The following SREK1 variants were observed in gnomAD, a reference collection of about 807,000 sequenced individuals.
SREK1 encodes the protein splicing regulatory glutamine/lysine-rich protein 1.
In SREK1, 13 loss-of-function variants were observed where a neutral mutation model predicts 66.5. The ratio of observed to expected loss-of-function variants is 0.20; its 90% CI spans 0.13 to 0.31. The LOEUF is 0.31. Ranked by LOEUF, SREK1 falls within the 10% of genes least tolerant of loss-of-function variation. The pLI is 1.00. For missense variants in SREK1, 607 were observed against 769.6 expected, an observed-to-expected ratio of 0.79 and a Z score of 2.50; for synonymous variants, 265 against 263.5, an observed-to-expected ratio of 1.01 and a Z score of -0.05.
intron 1 of SREK1, among the ~76,000 whole-genome samples, chr5:66,146,344 A>C (rs1339498039): frequency 6.6e-6 from 1 of 152,184 alleles, no homozygotes; most frequent in Non-Finnish European, 1.5e-5. Flanking sequence ...CATTATCAAC[A>C]TAATATTTAT....
intron 2 of SREK1, chr5:66,153,811 G>T: frequency 1.9e-6 from 1 of 516,024 alleles, no homozygotes; most frequent in Non-Finnish European, 3.2e-6. Flanking sequence ...AACATTCATT[G>T]GCTTCTGGTT....
At position 66,182,945 on chromosome 5, in the gene SREK1, AC is replaced by A. The variant is rs1389148883; in HGVS notation, c.*4078del. The A allele has an allele frequency of 1.3e-5, 2 of 152,190 alleles. No homozygotes were observed. The highest frequency in any genetic ancestry group is 2.9e-5 in the Non-Finnish European group (2 of 68,028). 9.4% of individuals were successfully genotyped at this position (152,190 alleles called of 1,614,324 possible). On this transcript the variant is annotated 3_prime_UTR_variant, in exon 12 of 12. Coordinates refer to ENST00000334121, the MANE Select transcript of SREK1 (RefSeq NM_001077199.3). ...AGTCAGTTGGATTTAGTAACTAATA[AC>A]TAGCTTTCTTCCATTCTAAGGTACT...
At chr5:66,158,071 GTTC>G (rs1263661642) in intron 2 of SREK1, 16 of 146,898 alleles carry the variant, frequency 1.1e-4, no homozygotes, top group Admixed American at 8.1e-4. Flanking sequence ...CCACATGAGT[GTTC>G]TTCTAAATAT....
intron 8 of SREK1, 47 bp from the exon 9 acceptor site, chr5:66,170,538 A>C (rs780012913): frequency 6.3e-5 from 97 of 1,549,854 alleles, no homozygotes; most frequent in Non-Finnish European, 7.8e-5. Flanking sequence ...TTTTTGGAGG[A>C]GGTAGAACTA....
rs775674264 is a variant in SREK1 at position 66,182,718 on chromosome 5, A to C, written c.*3850A>C. 1.3e-5 allele frequency: 2 copies of C among 152,182 alleles called. No individual in the cohort carries two copies. Among genetic ancestry groups the C allele is most frequent in the Non-Finnish European group, 2.9e-5 (2 of 68,092 alleles). 9.4% of individuals were successfully genotyped at this position (152,182 alleles called of 1,614,324 possible). ...ATAGCTGGGACCACAGACATGTGCC[A>C]CCAAGCCCAGTTAATTTTAGAATTT... On this transcript the variant is annotated 3_prime_UTR_variant, in exon 12 of 12. Coordinates refer to ENST00000334121, the MANE Select transcript of SREK1 (RefSeq NM_001077199.3).
intron 9 of SREK1, among the ~76,000 whole-genome samples, chr5:66,172,410 T>C (rs1384029209): frequency 6.6e-6 from 1 of 152,334 alleles, no homozygotes; most frequent in East Asian, 1.9e-4. Context: ...ATGTATATAT[T>C]TTTTGAAACA....
rs751000257 is a variant in SREK1, at chr5:66,178,751, T to A, written c.1758T>A (p.Ser586Arg). The A allele has an allele frequency of 6.2e-7, 1 of 1,612,106 alleles. No homozygotes were observed. The highest frequency in any genetic ancestry group is 8.5e-7 in the Non-Finnish European group (1 of 1,178,686). Residue 586 changes from serine (S) to arginine (R), a missense_variant, in exon 12 of 12, where the codon AGT becomes AGA. This residue lies in a region of SREK1 where 318 missense variants were observed against 310.3 expected (regional missense o/e 1.02). Transcript: ENST00000334121. ...EKEHNKEPDS[S>R]VSKEVDDKDA... ...AGCACAATAAAGAACCAGATTCAAG[T>A]GTGAGCAAAGAAGTAGATGACAAGG...
rs539974712 is a variant in SREK1 at position 66,173,391 on chromosome 5, A to G, written c.1485-1555A>G. The stretch of plus-strand genomic sequence containing the variant: ...GAGCACCTACTCTGTGTCACACTCT[A>G]TGCTTTGCACATTACAGATTTTATC... On this transcript the variant is annotated intron_variant, in intron 9 of 11. Transcript: ENST00000334121. Among the ~76,000 whole-genome samples, 4 of 152,324 alleles carry G rather than the reference A, an allele frequency of 2.6e-5. No homozygotes were observed. In the South Asian group the frequency reaches 6.2e-4, roughly 24 times the overall value.
chr5:66,147,064 A>T (rs1443527633), intron 1 of SREK1, among the ~76,000 whole-genome samples: 2 of 152,148 alleles, frequency 1.3e-5, no homozygotes, highest in Non-Finnish European at 2.9e-5. Context: ...TTAAAAAAAA[A>T]TGACTTAAAT....
intron 3 of SREK1, among the ~76,000 whole-genome samples, chr5:66,160,524 G>A (rs1287053978): frequency 1.3e-5 from 2 of 152,202 alleles, no homozygotes; most frequent in Admixed American, 1.3e-4. Flanking sequence ...TGAGGGTCAT[G>A]AGTGTTTGAG....
intron 7 of SREK1, 194 bp downstream of exon 7, chr5:66,165,091 T>C (rs1327167556): frequency 4.2e-6 from 2 of 472,152 alleles, no homozygotes; most frequent in African/African-American, 3.9e-5. Flanking sequence ...GATACTTAAT[T>C]TTTAAATATT....
chr5:66,155,936 G>A lies in SREK1; in HGVS notation c.295+2340G>A, dbSNP rs1232991482. 19 of 1,345,318 alleles carry A rather than the reference G, an allele frequency of 1.4e-5. No homozygotes were observed. The East Asian group carries it at 1.9e-4, about 13-fold the overall frequency. 83.3% of individuals were successfully genotyped at this position (1,345,318 alleles called of 1,614,324 possible). On this transcript the variant is annotated intron_variant, in intron 2 of 11. Coordinates refer to ENST00000334121, the MANE Select transcript of SREK1 (RefSeq NM_001077199.3). ...AATGTTAACACGTAGAAAAAGATAC[G>A]GTCAAACATAACAAGGGTGTCAGCC... is the stretch of plus-strand genomic sequence containing the variant.
At chr5:66,153,371 A>T in intron 1 of SREK1, 92 bp from the exon 2 acceptor site, 1 of 1,494,268 alleles carries the variant, frequency 6.7e-7, no homozygotes, top group East Asian at 2.3e-5. Context: ...ATTTCGTAAG[A>T]TTATGTAAAG....
chr5:66,175,339 A>G (rs1426801198), intron 10 of SREK1, among the ~76,000 whole-genome samples: 1 of 152,184 alleles, frequency 6.6e-6, no homozygotes, highest in East Asian at 1.9e-4. Flanking sequence ...GCAACACAGA[A>G]TACACACTGT....
At chr5:66,162,737 GA>G (rs1298206918) in intron 5 of SREK1, 145 bp downstream of exon 5, 15 of 663,524 alleles carry the variant, frequency 2.3e-5, no homozygotes, top group Admixed American at 1.4e-4. Flanking sequence ...TGAAATACAT[GA>G]GATACTTACC....
In SREK1 at chr5:66,183,013, T is replaced by A. The variant is rs961648755; in HGVS notation, c.*4145T>A. On this transcript the variant is annotated 3_prime_UTR_variant, in exon 12 of 12. Coordinates refer to ENST00000334121, the MANE Select transcript of SREK1 (RefSeq NM_001077199.3). The stretch of plus-strand genomic sequence containing the variant: ...ATTAGTTTGTTACAATTAGCTTATA[T>A]CAGATATAACAGTTCTTAATATAAT... The A allele has an allele frequency of 6.6e-6, 1 of 152,214 alleles. No individual in the cohort carries two copies. Among genetic ancestry groups the A allele is most frequent in the South Asian group, 2.1e-4 (1 of 4,830 alleles). The allele number at this position is 152,214 out of a possible 1,614,324, so 9.4% of individuals were successfully genotyped here.
chr5:66,154,517 G>A (rs184530808), intron 2 of SREK1, among the ~76,000 whole-genome samples: 53 of 152,164 alleles, frequency 3.5e-4, no homozygotes, highest in African/African-American at 1.3e-3. Context: ...CAGTTTGATG[G>A]GCTTTCATAT....
chr5:66,165,074 G>T (rs948834194), intron 7 of SREK1, 177 bp downstream of exon 7: 28 of 514,564 alleles, frequency 5.4e-5, no homozygotes, highest in Non-Finnish European at 9.1e-5. Context: ...ATGAAATTTT[G>T]TCTAATGATA....
At position 66,159,235 on chromosome 5, in the gene SREK1, A is replaced by G. The variant is rs981649082; in HGVS notation, c.312A>G (p.Glu104=). The G allele has an allele frequency of 4.3e-6, 7 of 1,612,094 alleles. No individual in the cohort carries two copies. Among genetic ancestry groups the G allele is most frequent in the Admixed American group, 3.4e-5 (2 of 59,470 alleles). ...CCTCTGCAGGTAAAATCCCAGAGGA[A>G]TCCAAAGCCCTCTCTTTATTGGCTC... ...VPCAEGKIPE[E]SKALSLLAPA... Residue 104 remains glutamate (E), a synonymous_variant, in exon 3 of 12, where the codon GAA becomes GAG. Transcript: ENST00000334121.
Sources: allele counts gnomAD v4.1 joint callset (sites outside exome capture counted in the v4.1 genomes callset), GRCh38; gene constraint gnomAD v4.1.1; regional missense constraint gnomAD v4.1.1; transcripts MANE v1.5; gene names NCBI Gene and HGNC (gene_info 2026-07-23, HGNC 2026-07-21).